The following TYW2 variants were observed in gnomAD, a reference collection of about 807,000 sequenced individuals.
The protein encoded by TYW2 is tRNA wybutosine-synthesizing protein 2 homolog.
At chr8:124,451,187 C>T in the TYW2 span, 18,072 of 1,614,124 alleles carry the variant, frequency 0.011, 125 homozygotes, top group Non-Finnish European at 0.013. Context: ...TGTATGCTCA[C>T]GCAGCTCCCG....
the TYW2 span, chr8:124,451,399 C>T: frequency 6.8e-6 from 11 of 1,614,128 alleles, no homozygotes; most frequent in South Asian, 1.1e-5. Context: ...AAATCTGGGA[C>T]CGGAACTCTG....
At chr8:124,452,119 T>C in the TYW2 span, 1 of 1,614,218 alleles carries the variant, frequency 6.2e-7, no homozygotes, top group Non-Finnish European at 8.5e-7. Flanking sequence ...GTGGGCAGAA[T>C]CTGCAGAAAC....
chr8:124,452,065 A>G, the TYW2 span: 2 of 1,614,246 alleles, frequency 1.2e-6, no homozygotes, highest in African/African-American at 1.3e-5. Flanking sequence ...CAGGGATTCT[A>G]GGGGAAAAAT....
At chr8:124,450,847 G>A in the TYW2 span, 2 of 1,499,518 alleles carry the variant, frequency 1.3e-6, no homozygotes, top group Non-Finnish European at 1.8e-6. Context: ...GGCCGGGTGA[G>A]CTGCAGGCTA....
At chr8:124,451,852 G>C in the TYW2 span, 1 of 1,614,132 alleles carries the variant, frequency 6.2e-7, no homozygotes, top group East Asian at 2.2e-5. Context: ...GGTGATCCTG[G>C]GGCTGATTCC....
At chr8:124,452,379 T>C in the TYW2 span, 1 of 1,211,770 alleles carries the variant, frequency 8.3e-7, no homozygotes, top group African/African-American at 1.5e-5. Flanking sequence ...ATCAGTTTTT[T>C]TCATATTTTA....
At chr8:124,451,466 C>T in the TYW2 span, 17 of 1,614,180 alleles carry the variant, frequency 1.1e-5, no homozygotes, top group South Asian at 1.5e-4. Flanking sequence ...GGGCGGGTAT[C>T]ACCGGATGGT....
the TYW2 span, chr8:124,451,032 A>G: frequency 2.5e-6 from 4 of 1,614,042 alleles, no homozygotes; most frequent in African/African-American, 4.0e-5. Flanking sequence ...GATACAGAGA[A>G]TATCTCCAGA....
chr8:124,452,589 CA>C, the TYW2 span: 1 of 319,460 alleles, frequency 3.1e-6, no homozygotes, highest in South Asian at 5.4e-5. Context: ...TCGTTATTTG[CA>C]AAATGAGAGT....
the TYW2 span, chr8:124,450,932 G>C: frequency 6.2e-7 from 1 of 1,612,830 alleles, no homozygotes; most frequent in Non-Finnish European, 8.5e-7. Flanking sequence ...GAGGTGATGA[G>C]AGAGAATGTG....
chr8:124,450,991 G>A, the TYW2 span: 3 of 1,614,062 alleles, frequency 1.9e-6, no homozygotes, highest in Non-Finnish European at 2.5e-6. Flanking sequence ...GGCTGTTGTC[G>A]CAGTTGTGAC....
At chr8:124,450,990 C>T in the TYW2 span, 16 of 1,613,956 alleles carry the variant, frequency 9.9e-6, no homozygotes, top group Admixed American at 5.0e-5. Flanking sequence ...TGGCTGTTGT[C>T]GCAGTTGTGA....
At chr8:124,451,081 A>G in the TYW2 span, 2 of 1,614,110 alleles carry the variant, frequency 1.2e-6, no homozygotes, top group African/African-American at 1.3e-5. Context: ...TGTGGAAAAG[A>G]TGCCGGATGG....
At chr8:124,451,806 T>C in the TYW2 span, 9 of 1,614,168 alleles carry the variant, frequency 5.6e-6, no homozygotes, top group Non-Finnish European at 7.6e-6. Context: ...ACTTTGGAGA[T>C]AACAGAAAAC....
the TYW2 span, chr8:124,451,398 AC>A: frequency 6.2e-7 from 1 of 1,614,176 alleles, no homozygotes. Flanking sequence ...AAAATCTGGG[AC>A]CGGAACTCTG....
the TYW2 span, chr8:124,451,298 C>T: frequency 1.2e-6 from 2 of 1,614,010 alleles, no homozygotes; most frequent in African/African-American, 1.3e-5. Context: ...AAGTGGTCAG[C>T]CGAGTTGGAG....
the TYW2 span, chr8:124,452,056 A>G: frequency 2.5e-6 from 4 of 1,614,234 alleles, no homozygotes; most frequent in Admixed American, 5.0e-5. Context: ...TGGAGCTACC[A>G]GGGATTCTAG....
At chr8:124,451,321 C>T in the TYW2 span, 2 of 1,614,146 alleles carry the variant, frequency 1.2e-6, no homozygotes, top group Non-Finnish European at 1.7e-6. Context: ...TGATTTGCCC[C>T]GATCATGGCA....
chr8:124,451,196 C>G, the TYW2 span: 1 of 1,614,136 alleles, frequency 6.2e-7, no homozygotes, highest in Non-Finnish European at 8.5e-7. Context: ...ACGCAGCTCC[C>G]GGATCCTGTT....
Sources: gnomAD v4.1 joint callset for allele counts on GRCh38, gnomAD v4.1.1 for gene constraint, MANE v1.5 for transcripts, NCBI Gene and HGNC (gene_info 2026-07-23, HGNC 2026-07-21) for gene names.